The following FAM47A variants were observed in gnomAD, a reference collection of about 807,000 sequenced individuals.
FAM47A encodes family with sequence similarity 47 member A, also known as protein FAM47A.
A neutral mutation model predicts 2.6 loss-of-function variants in FAM47A; 1 was observed. That is an observed-to-expected ratio of 0.39 (90% CI 0.14 to 1.83). The LOEUF is 1.83. FAM47A is among the 40% of genes most tolerant of loss of function. The pLI, the probability that FAM47A is intolerant of heterozygous loss-of-function variation, is 0.32. For synonymous variants in FAM47A, 278 were observed against 270.1 expected (o/e 1.03, Z -0.29); for missense variants, 657 against 673.1 (o/e 0.98, Z 0.26).
At position 34,129,926 on chromosome X, in the gene FAM47A, C is replaced by T. The variant is rs1478701487; in HGVS notation, c.2353G>A (p.Val785Ile). The part of the protein sequence containing the change: ...AMIFYKYKEI[V>I]EASEED ...GCCTAATCTTCTTCCGATGCCTCTA[C>T]GATTTCTTTGTACTTGTAAAATATC... The change falls in exon 1 of 1, where the codon GTA becomes ATA. Residue 785 changes from valine (V) to isoleucine (I), a missense_variant. By Grantham distance (29) the Val-to-Ile change is conservative. Coordinates refer to ENST00000346193, the MANE Select transcript of FAM47A (RefSeq NM_203408.4). The T allele has an allele frequency of 6.4e-5, 77 of 1,195,757 alleles. No individual in the cohort carries two copies. The highest frequency in any genetic ancestry group is 8.4e-5 in the Non-Finnish European group (75 of 888,080).
In FAM47A at chrX:34,130,625, G is replaced by T. The variant is rs183960907; in HGVS notation, c.1654C>A (p.Arg552=). The T allele has an allele frequency of 8.3e-7, 1 of 1,207,289 alleles. No individual in the cohort carries two copies. Among genetic ancestry groups the T allele is most frequent in the Non-Finnish European group, 1.1e-6 (1 of 894,380 alleles). The change falls in exon 1 of 1, where the codon CGG becomes AGG. Residue 552 remains arginine, a synonymous_variant. Transcript: ENST00000346193. The part of the protein sequence containing the change: ...SLRPELPKSR[R]VSSLHPEPPK... Reference sequence around the variant, plus strand: ...GGCTCCGGGTGGAGACTGGACACCCGACGACTCTTGGGAAGCTCCGGGCGG... The same window carrying T: ...GGCTCCGGGTGGAGACTGGACACCCTACGACTCTTGGGAAGCTCCGGGCGG...
rs1261580305 is a variant in FAM47A, at chrX:34,130,784, G to C, written c.1495C>G (p.Arg499Gly). The C allele has an allele frequency of 8.4e-7, 1 of 1,185,732 alleles. No individual in the cohort carries two copies. Among genetic ancestry groups the C allele is most frequent in the Non-Finnish European group, 1.1e-6 (1 of 881,740 alleles). Residue 499 changes from arginine to glycine, a missense_variant, in exon 1 of 1, where the codon CGT becomes GGT. Physicochemically the swap from Arg to Gly is moderately radical, Grantham distance 125. This residue lies in a region of FAM47A where 23 missense variants were observed against 55.6 expected (regional missense o/e 0.41). Transcript: ENST00000346193. The stretch of plus-strand genomic sequence containing the variant: ...TCCGAGCGGAGACTGGACGTCCGAC[G>C]AGTCTTGGGAGGCTGCGAGTGGAGA... Reference protein sequence around the residue: ...SSLHSQPPKTRRTSSLRSEPP... With the variant: ...SSLHSQPPKTGRTSSLRSEPP...
In FAM47A at chrX:34,131,866, C is replaced by T; in HGVS notation, c.413G>A (p.Gly138Glu). The T allele has an allele frequency of 1.7e-6, 2 of 1,209,748 alleles. No individual in the cohort carries two copies. Among genetic ancestry groups the T allele is most frequent in the Non-Finnish European group, 1.1e-6 (1 of 894,805 alleles). Residue 138 changes from glycine to glutamate, a missense_variant, in exon 1 of 1, where the codon GGA becomes GAA. Physicochemically the swap from Gly to Glu is moderately conservative, Grantham distance 98. Coordinates refer to ENST00000346193, the MANE Select transcript of FAM47A (RefSeq NM_203408.4). ...TAGGAGATCTGGAGGCATATCTTCT[C>T]CCAGATTGGGGTACATGGCCAAGGG... ...KHPLAMYPNL[G>E]EDMPPDLLLQ...
chrX:34,130,857 C>A lies in FAM47A; in HGVS notation c.1422G>T (p.Gln474His). 8.4e-7 allele frequency: 1 copy of A among 1,194,088 alleles called. No individual in the cohort carries two copies. The highest frequency in any genetic ancestry group is 1.1e-6 in the Non-Finnish European group (1 of 885,716). Reference sequence around the variant, plus strand: ...GATGTTCCGGGTGGGGATGGGACACCTGAGTCTCGGGAGGCTGCAGGCAGG... The same window carrying A: ...GATGTTCCGGGTGGGGATGGGACACATGAGTCTCGGGAGGCTGCAGGCAGG... ...GEPCLQPPET[Q>H]VSHPHPEHPK... Residue 474 changes from glutamine to histidine, a missense_variant, in exon 1 of 1, where the codon CAG (glutamine) becomes CAT (histidine). Physicochemically the swap from Gln to His is conservative, Grantham distance 24. Transcript: ENST00000346193.
chrX:34,131,499 G>A lies in FAM47A; in HGVS notation c.780C>T (p.Leu260=). ...AATCCAGTTTCAGCAGCTGTCGTAG[G>A]AGACTGGATCTCCGACGAGTGATGG... ...GPPITRRRSS[L]LRQLLKLDSE... is the part of the protein sequence containing the mutation. The change falls in exon 1 of 1, where the codon CTC becomes CTT. Residue 260 remains leucine, a synonymous_variant. Transcript: ENST00000346193. The A allele has an allele frequency of 8.3e-7, 1 of 1,207,909 alleles. No individual in the cohort carries two copies. Among genetic ancestry groups the A allele is most frequent in the Non-Finnish European group, 1.1e-6 (1 of 894,543 alleles).
In FAM47A at chrX:34,130,986, C is replaced by T; in HGVS notation, c.1293G>A (p.Val431=). Residue 431 remains valine, a synonymous_variant, in exon 1 of 1, where the codon GTG becomes GTA. Coordinates refer to ENST00000346193, the MANE Select transcript of FAM47A (RefSeq NM_203408.4). The stretch of plus-strand genomic sequence containing the variant: ...CCTTCAGCGTCCTCCCAGAATCCAG[C>T]ACTTTCAGTATGTATAGTAGGAGAT... ...VSNLLLYILK[V]LDSGRTLKDV... is the part of the protein sequence containing the mutation. The T allele has an allele frequency of 8.4e-7, 1 of 1,197,121 alleles. No homozygotes were observed.
At position 34,130,362 on chromosome X, in the gene FAM47A, A is replaced by G; in HGVS notation, c.1917T>C (p.His639=). Reference sequence around the variant, plus strand: ...TTACTTTCTTAAACTTTTGGTCCTCATGGGTTGCTCTGTACTTGGGGGTAA... The same window carrying G: ...TTACTTTCTTAAACTTTTGGTCCTCGTGGGTTGCTCTGTACTTGGGGGTAA... ...FDFTPKYRAT[H]EDQKFKKVKE... is the part of the protein sequence containing the mutation. Residue 639 remains histidine, a synonymous_variant, in exon 1 of 1, where the codon CAT becomes CAC. Transcript: ENST00000346193. The G allele has an allele frequency of 8.3e-7, 1 of 1,211,651 alleles. No individual in the cohort carries two copies. The highest frequency in any genetic ancestry group is 2.3e-4 in the Middle Eastern group (1 of 4,356).
At position 34,129,983 on chromosome X, in the gene FAM47A, C is replaced by T. The variant is rs1180567396; in HGVS notation, c.2296G>A (p.Asp766Asn). Reference protein sequence around the residue: ...RLFARRGWTYDSVKTPIQRAM... With the variant: ...RLFARRGWTYNSVKTPIQRAM... ...CGTTGAATAGGAGTCTTAACAGAGT[C>T]ATAAGTCCATCCCCTCCTGGCAAAC... Residue 766 changes from aspartate to asparagine, a missense_variant, in exon 1 of 1, where the codon GAC becomes AAC. Coordinates refer to ENST00000346193, the MANE Select transcript of FAM47A (RefSeq NM_203408.4). 8.3e-7 allele frequency: 1 copy of T among 1,211,763 alleles called. No individual in the cohort carries two copies.
chrX:34,131,700 C>A lies in FAM47A; in HGVS notation c.579G>T (p.Glu193Asp). ...CTGGGAGGAGATGGGACACCGGAGT[C>A]TCGGGAGGCTTCAGGCAGAATTCCC... ...PCGEFCLKPP[E>D]TPVSHLLPEP... The change falls in exon 1 of 1, where the codon GAG becomes GAT. Residue 193 changes from glutamate to aspartate, a missense_variant. Glu to Asp is a conservative substitution (Grantham distance 45, BLOSUM62 2). Transcript: ENST00000346193. 1 of 1,209,225 alleles carries A rather than the reference C, an allele frequency of 8.3e-7. No individual in the cohort carries two copies. Among genetic ancestry groups the A allele is most frequent in the Non-Finnish European group, 1.1e-6 (1 of 894,408 alleles).
rs1389764669 is a variant in FAM47A, at chrX:34,130,841, G to T, written c.1438C>A (p.Pro480Thr). ...CTCCGACGTGTCTTGGGATGTTCCG[G>T]GTGGGGATGGGACACCTGAGTCTCG... ...PPETQVSHPHPEHPKTRRRSS... is the reference protein window; with the variant it reads ...PPETQVSHPHTEHPKTRRRSS... The change falls in exon 1 of 1, where the codon CCG (proline) becomes ACG (threonine). Residue 480 changes from proline to threonine, a missense_variant. Physicochemically the swap from Pro to Thr is conservative, Grantham distance 38. Around this residue, in one of 3 missense-constraint regions of FAM47A, gnomAD observed 436 missense variants for 414.1 expected, o/e 1.05. Coordinates refer to ENST00000346193, the MANE Select transcript of FAM47A (RefSeq NM_203408.4). 9.2e-6 allele frequency: 11 copies of T among 1,193,841 alleles called. No homozygotes were observed. The highest frequency in any genetic ancestry group is 1.2e-5 in the Non-Finnish European group (11 of 885,401).
chrX:34,130,308 G>A lies in FAM47A; in HGVS notation c.1971C>T (p.Ser657=). 8.3e-7 allele frequency: 1 copy of A among 1,211,056 alleles called. No homozygotes were observed. The highest frequency in any genetic ancestry group is 1.1e-6 in the Non-Finnish European group (1 of 895,303). ...CCTCATCCTTTTCATCTAGCTCCAT[G>A]CTGTACTTCAGCTCTGAGGAACACT... The part of the protein sequence containing the change: ...VKECSSELKY[S]MELDEKDEDK... Residue 657 remains serine (S), a synonymous_variant, in exon 1 of 1, where the codon AGC becomes AGT. Transcript: ENST00000346193.
Position 34,130,476 on chromosome X carries a change from A to G in FAM47A, c.1803T>C (p.Tyr601=). 1 of 1,211,378 alleles carries G rather than the reference A, an allele frequency of 8.3e-7. No homozygotes were observed. Among genetic ancestry groups the G allele is most frequent in the Non-Finnish European group, 1.1e-6 (1 of 895,414 alleles). The change falls in exon 1 of 1, where the codon TAT becomes TAC. Residue 601 remains tyrosine, a synonymous_variant. Coordinates refer to ENST00000346193, the MANE Select transcript of FAM47A (RefSeq NM_203408.4). ...TKECVSDSLQ[Y]RYTSEKLREF... ...CACGGAGTTTTTCCGATGTGTATCT[A>G]TATTGAAGAGAGTCAGAAACGCACT...
rs1180131613 is a variant in FAM47A at position 34,131,844 on chromosome X, G to C, written c.435C>G (p.Leu145=). Residue 145 remains leucine (L), a synonymous_variant, in exon 1 of 1, where the codon CTC becomes CTG. Transcript: ENST00000346193. The part of the protein sequence containing the change: ...PNLGEDMPPD[L]LLQVLKHLDP... ...CCAGGTGTTTCAGCACCTGTAGTAG[G>C]AGATCTGGAGGCATATCTTCTCCCA... 8.3e-6 allele frequency: 10 copies of C among 1,208,690 alleles called. No individual in the cohort carries two copies. The South Asian group carries it at 1.6e-4, about 19-fold the overall frequency.
chrX:34,129,795 A>G lies in FAM47A; in HGVS notation c.*108T>C, dbSNP rs1008876546. On this transcript the variant is annotated 3_prime_UTR_variant, in exon 1 of 1. Transcript: ENST00000346193. ...TTGATAAACATTAGGTATTGAATTT[A>G]CAGATGTTGCCAAAGTTGTGCATCC... 1.5e-6 allele frequency: 1 copy of G among 685,913 alleles called. No homozygotes were observed. The highest frequency in any genetic ancestry group is 2.2e-5 in the African/African-American group (1 of 45,513). 56.5% of individuals were successfully genotyped at this position (685,913 alleles called of 1,213,427 possible).
Position 34,130,786 on chromosome X carries a change from G to C in FAM47A, c.1493C>G (p.Thr498Ser), listed in dbSNP as rs1922438156. 8.4e-7 allele frequency: 1 copy of C among 1,184,511 alleles called. No individual in the cohort carries two copies. The highest frequency in any genetic ancestry group is 1.8e-5 in the African/African-American group (1 of 55,051). Reference sequence around the variant, plus strand: ...CGAGCGGAGACTGGACGTCCGACGAGTCTTGGGAGGCTGCGAGTGGAGACT... The same window carrying C: ...CGAGCGGAGACTGGACGTCCGACGACTCTTGGGAGGCTGCGAGTGGAGACT... ...RSSLHSQPPK[T>S]RRTSSLRSEP... Residue 498 changes from threonine (T) to serine (S), a missense_variant, in exon 1 of 1, where the codon ACT becomes AGT. Around this residue, in one of 3 missense-constraint regions of FAM47A, gnomAD observed 23 missense variants for 55.6 expected, o/e 0.41. Coordinates refer to ENST00000346193, the MANE Select transcript of FAM47A (RefSeq NM_203408.4).
At position 34,131,931 on chromosome X, in the gene FAM47A, C is replaced by T. The variant is rs752650595; in HGVS notation, c.348G>A (p.Ala116=). 3 of 1,210,509 alleles carry T rather than the reference C, an allele frequency of 2.5e-6. No individual in the cohort carries two copies. The highest frequency in any genetic ancestry group is 1.8e-5 in the South Asian group (1 of 56,811). The change falls in exon 1 of 1, where the codon GCG becomes GCA. Residue 116 remains alanine (A), a synonymous_variant. Transcript: ENST00000346193. The part of the protein sequence containing the change: ...KLSPAQLARK[A]FVEQVEAQLM... ...GCTGGGCTTCCACTTGCTCTACGAA[C>T]GCCTTCCGTGCTAGCTGGGCTGGAG...
Position 34,132,273 on chromosome X carries a change from C to A in FAM47A, c.6G>T (p.Gly2=). M[G]DQRLQDWLRS... The stretch of plus-strand genomic sequence containing the variant: ...TCAGCCAGTCCTGCAGCCTCTGGTC[C>A]CCCATGGTGGCCCTCGCTGTGGTGC... The change falls in exon 1 of 1, where the codon GGG becomes GGT. Residue 2 remains glycine, a synonymous_variant. Transcript: ENST00000346193. 8.6e-7 allele frequency: 1 copy of A among 1,162,179 alleles called. No individual in the cohort carries two copies.
Position 34,132,090 on chromosome X carries a change from C to T in FAM47A, c.189G>A (p.Pro63=). Residue 63 remains proline (P), a synonymous_variant, in exon 1 of 1, where the codon CCG becomes CCA. Coordinates refer to ENST00000346193, the MANE Select transcript of FAM47A (RefSeq NM_203408.4). The stretch of plus-strand genomic sequence containing the variant: ...GACAAACGAGAGTATCTTCGGGAGA[C>T]GGACAGCCGTAGCGGAAGTCGTCCA... ...EGMDDFRYGC[P]SPEDTLVCRR... is the part of the protein sequence containing the mutation. The T allele has an allele frequency of 2.5e-6, 3 of 1,210,412 alleles. No homozygotes were observed. The highest frequency in any genetic ancestry group is 1.8e-5 in the South Asian group (1 of 56,800).
rs372574154 is a variant in FAM47A at position 34,132,084 on chromosome X, G to C, written c.195C>G (p.Pro65=). The change falls in exon 1 of 1, where the codon CCC becomes CCG. Residue 65 remains proline, a synonymous_variant. Transcript: ENST00000346193. The part of the protein sequence containing the change: ...MDDFRYGCPS[P]EDTLVCRRDE... The stretch of plus-strand genomic sequence containing the variant: ...CACGGCGACAAACGAGAGTATCTTC[G>C]GGAGACGGACAGCCGTAGCGGAAGT... 4 of 1,208,610 alleles carry C rather than the reference G, an allele frequency of 3.3e-6. No individual in the cohort carries two copies. The highest frequency in any genetic ancestry group is 5.9e-5 in the East Asian group (2 of 33,713).
Sources: allele counts gnomAD v4.1 joint callset, GRCh38; gene constraint gnomAD v4.1.1; regional missense constraint gnomAD v4.1.1; transcripts MANE v1.5; gene names NCBI Gene and HGNC (gene_info 2026-07-23, HGNC 2026-07-21).